The following GLRA2 variants were observed in gnomAD, a reference collection of about 807,000 sequenced individuals.
GLRA2 encodes glycine receptor subunit alpha-2.
In GLRA2, 11 loss-of-function variants were observed where a neutral mutation model predicts 31.6. That is an observed-to-expected ratio of 0.35 (90% CI 0.22 to 0.58). The LOEUF (loss-of-function observed/expected upper bound fraction) is 0.58, where lower values mean the gene tolerates loss of function less well. GLRA2 is among the 20% of genes least tolerant of loss of function. GLRA2 has a pLI of 0.84. For missense variants in GLRA2, 212 were observed against 351.8 expected (o/e 0.60, Z 3.18); for synonymous variants, 132 against 134.0 (o/e 0.99, Z 0.10).
At chrX:14,545,759 G>C (rs61616885) in intron 2 of GLRA2, among the ~76,000 whole-genome samples, 4,331 of 111,017 alleles carry the variant, frequency 0.039, 223 homozygotes, top group African/African-American at 0.14. Flanking sequence ...AGGGACAGAC[G>C]GTGTCATTAG....
chrX:14,517,552 T>G, the GLRA2 span, among the ~76,000 whole-genome samples: 1 of 111,548 alleles, frequency 9.0e-6, no homozygotes, highest in African/African-American at 3.3e-5. Context: ...TCAGATCTTG[T>G]GAGAACTCAC....
At chrX:14,490,934 T>C in the GLRA2 span, among the ~76,000 whole-genome samples, 2 of 111,867 alleles carry the variant, frequency 1.8e-5, no homozygotes, top group African/African-American at 3.2e-5. Flanking sequence ...CCAATAAATA[T>C]TTACTAACAG....
intron 7 of GLRA2, among the ~76,000 whole-genome samples, chrX:14,682,276 G>A (rs2091222090): frequency 9.0e-6 from 1 of 110,566 alleles, no homozygotes; most frequent in African/African-American, 3.3e-5. Context: ...AGAATAATAT[G>A]TTTAAAAGAC....
rs890626859 is a variant in GLRA2, at chrX:14,546,416, C to A, written c.202+14044C>A. The stretch of plus-strand genomic sequence containing the variant: ...TCCTGTTCCATAGATCTCCTGAATG[C>A]CAACAAAGTTTATAACATGCAGGGC... On this transcript the variant is annotated intron_variant, in intron 2 of 8. Coordinates refer to ENST00000218075, the MANE Select transcript of GLRA2 (RefSeq NM_002063.4). Among the ~76,000 whole-genome samples the A allele has an allele frequency of 8.1e-5, 9 of 111,251 alleles. No homozygotes were observed. The Admixed American group carries it at 8.7e-4, about 11-fold the overall frequency.
chrX:14,601,982 G>A (rs2090280484), intron 4 of GLRA2, among the ~76,000 whole-genome samples: 1 of 111,736 alleles, frequency 8.9e-6, no homozygotes, highest in Non-Finnish European at 1.9e-5. Flanking sequence ...AGGATCAAAT[G>A]AGAATAAGCA....
At chrX:14,575,671 G>T (rs1215327256) in intron 3 of GLRA2, among the ~76,000 whole-genome samples, 1 of 110,482 alleles carries the variant, frequency 9.1e-6, no homozygotes, top group Admixed American at 9.6e-5. Flanking sequence ...ATATTGCCCA[G>T]GCTGGTCTCA....
intron 4 of GLRA2, among the ~76,000 whole-genome samples, chrX:14,598,919 G>A (rs1036827174): frequency 3.6e-5 from 4 of 112,116 alleles, no homozygotes; most frequent in Non-Finnish European, 5.6e-5. Context: ...AACTGAAATA[G>A]TTTACAGTGT....
chrX:14,577,679 T>A (rs1349639311), intron 3 of GLRA2, among the ~76,000 whole-genome samples: 2 of 111,123 alleles, frequency 1.8e-5, no homozygotes, highest in East Asian at 5.7e-4. Context: ...CCTTCATGAG[T>A]GCTCTACCCT....
chrX:14,480,077 T>C, the GLRA2 span, among the ~76,000 whole-genome samples: 1 of 111,961 alleles, frequency 8.9e-6, no homozygotes, highest in Non-Finnish European at 1.9e-5. Context: ...TGTTGTAAGA[T>C]GATATTTCAT....
intron 7 of GLRA2, among the ~76,000 whole-genome samples, chrX:14,681,905 AAAAAAATATATAT>A (rs1472224921): frequency 1.2e-5 from 1 of 80,802 alleles, no homozygotes; most frequent in Non-Finnish European, 2.4e-5. Context: ...AAAAAAAAAA[AAAAAAATATATAT>A]ATATATATAT....
chrX:14,518,708 A>T, the GLRA2 span, among the ~76,000 whole-genome samples: 1 of 110,290 alleles, frequency 9.1e-6, no homozygotes, highest in Non-Finnish European at 1.9e-5. Flanking sequence ...TCAGTATGAA[A>T]GCTGACATAA....
At chrX:14,502,111 A>G in the GLRA2 span, among the ~76,000 whole-genome samples, 1 of 112,164 alleles carries the variant, frequency 8.9e-6, no homozygotes, top group Non-Finnish European at 1.9e-5. Context: ...ATGTCAACAT[A>G]TGAATTTGTG....
intron 7 of GLRA2, among the ~76,000 whole-genome samples, chrX:14,648,545 T>G (rs2090856363): frequency 9.0e-6 from 1 of 111,326 alleles, no homozygotes; most frequent in South Asian, 3.7e-4. Flanking sequence ...AACTAACATT[T>G]AAGAAAATGC....
intron 7 of GLRA2, among the ~76,000 whole-genome samples, chrX:14,677,879 GT>G (rs2091160504): frequency 9.5e-6 from 1 of 105,011 alleles, no homozygotes; most frequent in Admixed American, 1.0e-4. Context: ...TTGTTTGTTT[GT>G]TTTTGTTTTT....
chrX:14,625,452 T>C (rs999685376), intron 7 of GLRA2, among the ~76,000 whole-genome samples: 1 of 111,818 alleles, frequency 8.9e-6, no homozygotes, highest in Non-Finnish European at 1.9e-5. Flanking sequence ...TCGATGGTCT[T>C]TATAATTTGG....
At position 14,602,168 on chromosome X, in the gene GLRA2, A is replaced by G. The variant is rs765283494; in HGVS notation, c.495-2147A>G. Among the ~76,000 whole-genome samples, 209 of 111,361 alleles carry G rather than the reference A, an allele frequency of 1.9e-3. 1 individual carries two copies. Among genetic ancestry groups the G allele is most frequent in the African/African-American group, 6.4e-3 (196 of 30,700 alleles). ...GGAGATACAGAAAAATGGGAGAGCAAGAGGTGTGCATCATTCCCTTAAGGA... is the reference window on the plus strand; with the variant it reads ...GGAGATACAGAAAAATGGGAGAGCAGGAGGTGTGCATCATTCCCTTAAGGA... On this transcript the variant is annotated intron_variant, in intron 4 of 8. Coordinates refer to ENST00000218075, the MANE Select transcript of GLRA2 (RefSeq NM_002063.4).
chrX:14,623,547 T>G (rs1478235893), intron 7 of GLRA2, among the ~76,000 whole-genome samples: 1 of 111,280 alleles, frequency 9.0e-6, no homozygotes, highest in Non-Finnish European at 1.9e-5. Flanking sequence ...TTATTGAGAG[T>G]TTTTAGCATG....
rs1040235682 is a variant in GLRA2 at position 14,538,092 on chromosome X, C to T, written c.202+5720C>T. Among the ~76,000 whole-genome samples the T allele has an allele frequency of 2.7e-5, 3 of 109,714 alleles. No homozygotes were observed. The Admixed American group carries it at 2.9e-4, about 11-fold the overall frequency. On this transcript the variant is annotated intron_variant, in intron 2 of 8. Transcript: ENST00000218075. ...AGAGGGCATCTACAGCATTCTAATG[C>T]ACCCTGGTAAAGCATATTGCAATAA... is the stretch of plus-strand genomic sequence containing the variant.
the GLRA2 span, among the ~76,000 whole-genome samples, chrX:14,449,149 G>T: frequency 8.9e-6 from 1 of 111,888 alleles, no homozygotes; most frequent in South Asian, 3.8e-4. Context: ...ACTTCAAACA[G>T]ATCTTTTGAG....
Sources: allele counts gnomAD v4.1 joint callset (sites outside exome capture counted in the v4.1 genomes callset), GRCh38; gene constraint gnomAD v4.1.1; transcripts MANE v1.5; gene names NCBI Gene and HGNC (gene_info 2026-07-23, HGNC 2026-07-21).